The following INPP4B variants were observed in gnomAD, a reference collection of about 807,000 sequenced individuals.
INPP4B encodes the protein inositol polyphosphate 4-phosphatase type II.
INPP4B carries 55 observed loss-of-function variants against 122.5 expected under a neutral mutation model. That is an observed-to-expected ratio of 0.45 (90% CI 0.36 to 0.56). INPP4B has a LOEUF of 0.56. INPP4B is among the 20% of genes least tolerant of loss of function. INPP4B has a pLI of 0.00. For synonymous variants in INPP4B, 403 were observed against 388.7 expected, an observed-to-expected ratio of 1.04 and a Z score of -0.43; for missense variants, 1,000 against 1,097.7, an observed-to-expected ratio of 0.91 and a Z score of 1.26.
At chr4:142,426,193 A>G (rs1480747535) in intron 5 of INPP4B, among the ~76,000 whole-genome samples, 1 of 152,018 alleles carries the variant, frequency 6.6e-6, no homozygotes, top group Non-Finnish European at 1.5e-5. Context: ...AGTGGAGGCG[A>G]ATAATTAACA....
intron 10 of INPP4B, among the ~76,000 whole-genome samples, chr4:142,261,198 T>C (rs1357977358): frequency 1.3e-5 from 2 of 152,190 alleles, no homozygotes; most frequent in Non-Finnish European, 2.9e-5. Context: ...TCCTAGTGAA[T>C]GAACCACAAT....
chr4:142,728,588 C>T (rs1477838399), intron 1 of INPP4B, among the ~76,000 whole-genome samples: 3 of 152,062 alleles, frequency 2.0e-5, no homozygotes, highest in African/African-American at 7.3e-5. Flanking sequence ...GATGGACATA[C>T]ATGGAGAAGA....
At chr4:142,264,202 G>GA (rs768130908) in intron 10 of INPP4B, among the ~76,000 whole-genome samples, 2 of 151,932 alleles carry the variant, frequency 1.3e-5, no homozygotes, top group Non-Finnish European at 2.9e-5. Flanking sequence ...GAGAGAAAAG[G>GA]AAAAAATCAG....
intron 1 of INPP4B, among the ~76,000 whole-genome samples, chr4:142,738,253 T>C (rs1400841736): frequency 3.9e-5 from 6 of 152,192 alleles, no homozygotes; most frequent in Admixed American, 1.3e-4. Context: ...ATGTGGCACA[T>C]ATACACCATG....
chr4:142,329,023 C>G (rs1032279137), intron 7 of INPP4B, among the ~76,000 whole-genome samples: 8 of 152,200 alleles, frequency 5.3e-5, no homozygotes, highest in Admixed American at 6.5e-5. Flanking sequence ...GCTCTCACCT[C>G]CCTCCATGCC....
chr4:142,554,188 CAAAA>C (rs758209943), intron 2 of INPP4B, among the ~76,000 whole-genome samples: 1 of 97,198 alleles, frequency 1.0e-5, no homozygotes, highest in Non-Finnish European at 2.2e-5. Flanking sequence ...AACTCCATCT[CAAAA>C]AAAAAAAAAA....
intron 2 of INPP4B, among the ~76,000 whole-genome samples, chr4:142,632,320 G>A (rs1560893650): frequency 6.6e-6 from 1 of 152,130 alleles, no homozygotes; most frequent in Non-Finnish European, 1.5e-5. Context: ...ATTATGCTAA[G>A]TGAAACAAGC....
intron 15 of INPP4B, among the ~76,000 whole-genome samples, chr4:142,187,285 T>C (rs1165529507): frequency 1.3e-5 from 2 of 152,172 alleles, no homozygotes; most frequent in African/African-American, 4.8e-5. Context: ...AAGAAAATTT[T>C]GTGACAGAGA....
At chr4:142,745,081 G>A (rs1157665296) in intron 1 of INPP4B, among the ~76,000 whole-genome samples, 1 of 151,830 alleles carries the variant, frequency 6.6e-6, no homozygotes, top group Non-Finnish European at 1.5e-5. Context: ...ACTGTGAAGG[G>A]TTAGGTGTTA....
intron 2 of INPP4B, among the ~76,000 whole-genome samples, chr4:142,680,948 C>A (rs1470384922): frequency 6.6e-6 from 1 of 151,872 alleles, no homozygotes; most frequent in African/African-American, 2.4e-5. Context: ...TTTTTACAGA[C>A]ATTCATGAAA....
chr4:142,067,041 C>T (rs1763922548), intron 25 of INPP4B, among the ~76,000 whole-genome samples: 1 of 152,308 alleles, frequency 6.6e-6, no homozygotes, highest in South Asian at 2.1e-4. Context: ...GGGTCCCTGA[C>T]CCCCAAGTAG....
chr4:142,043,000 T>C lies in INPP4B; in HGVS notation c.2643-14086A>G, dbSNP rs143890014. Among the ~76,000 whole-genome samples the C allele has an allele frequency of 2.2e-3, 331 of 152,264 alleles. 2 individuals carry two copies. The highest frequency in any genetic ancestry group is 7.7e-3 in the African/African-American group (318 of 41,556). ...CACCACCATTACCAGTGTTGTATAT[T>C]CTCAAATACTAACCTCTACTCACTC... On this transcript the variant is annotated intron_variant, in intron 25 of 25. Transcript: ENST00000262992.
At chr4:142,463,428 A>G (rs910827653) in intron 2 of INPP4B, among the ~76,000 whole-genome samples, 1 of 152,162 alleles carries the variant, frequency 6.6e-6, no homozygotes, top group Non-Finnish European at 1.5e-5. Context: ...GGCAGCTTTA[A>G]TCACACCTCC....
At chr4:142,536,431 G>A (rs1026535517) in intron 2 of INPP4B, among the ~76,000 whole-genome samples, 4 of 152,082 alleles carry the variant, frequency 2.6e-5, no homozygotes, top group African/African-American at 9.7e-5. Context: ...CATTAATTCA[G>A]CTGATAATTA....
intron 2 of INPP4B, among the ~76,000 whole-genome samples, chr4:142,588,155 G>A (rs896250528): frequency 1.3e-5 from 2 of 151,748 alleles, no homozygotes; most frequent in Admixed American, 6.6e-5. Context: ...TAACAGAGAA[G>A]AATTTATTTA....
chr4:142,451,415 A>G (rs1033034664), intron 3 of INPP4B, among the ~76,000 whole-genome samples: 21 of 151,520 alleles, frequency 1.4e-4, no homozygotes, highest in African/African-American at 4.8e-4. Flanking sequence ...ACGCCTGGCT[A>G]ATTTTTTGTA....
At chr4:142,268,348 G>GAAAAAAAAAAAAAAAAAAAAAAAAAA (rs1383781390) in intron 10 of INPP4B, among the ~76,000 whole-genome samples, 18 of 26,798 alleles carry the variant, frequency 6.7e-4, no homozygotes, top group Admixed American at 1.9e-3. Context: ...AAAAAAAAAT[G>GAAAAAAAAAAAAAAAAAAAAAAAAAA]AGGGGTAAGT....
intron 2 of INPP4B, among the ~76,000 whole-genome samples, chr4:142,469,135 T>TA (rs1285324709): frequency 0.024 from 3,364 of 141,470 alleles, 113 homozygotes; most frequent in African/African-American, 0.079. Context: ...AGAAAAACTG[T>TA]AAAAAAAAAA....
At chr4:142,376,159 A>G (rs985221498) in intron 7 of INPP4B, among the ~76,000 whole-genome samples, 2 of 152,066 alleles carry the variant, frequency 1.3e-5, no homozygotes, top group African/African-American at 4.8e-5. Context: ...GTAAATTAGT[A>G]AATTGTGACA....
Sources: gnomAD v4.1 joint callset for allele counts (sites outside exome capture counted in the v4.1 genomes callset) on GRCh38, gnomAD v4.1.1 for gene constraint, MANE v1.5 for transcripts, NCBI Gene and HGNC (gene_info 2026-07-23, HGNC 2026-07-21) for gene names.